Variants in PCDHA9 observed in about 807,000 individuals in gnomAD.
The protein encoded by PCDHA9 is protocadherin alpha 9.
PCDHA9 carries 62 observed loss-of-function variants against 62.0 expected under a neutral mutation model. The observed-to-expected ratio is 1.00, with a 90% confidence interval of 0.81 to 1.23. The LOEUF is 1.23. Among genes scored for constraint, PCDHA9 ranks in the 50% most tolerant of loss-of-function variants. The pLI, the probability that PCDHA9 is intolerant of heterozygous loss-of-function variation, is 0.00. For missense variants in PCDHA9, 1,205 were observed against 1,249.8 expected, an observed-to-expected ratio of 0.96 and a Z score of 0.54; for synonymous variants, 557 against 567.6, an observed-to-expected ratio of 0.98 and a Z score of 0.27.
At chr5:140,999,605 G>T (rs1587843541) in intron 3 of PCDHA9, among the ~76,000 whole-genome samples, 2 of 152,132 alleles carry the variant, frequency 1.3e-5, no homozygotes, top group Admixed American at 1.3e-4. Context: ...CATCCTGGGG[G>T]ACCTTATCAA....
intron 1 of PCDHA9, among the ~76,000 whole-genome samples, chr5:140,924,936 TAAAAA>T (rs2082205335): frequency 8.1e-6 from 1 of 123,442 alleles, no homozygotes; most frequent in East Asian, 2.8e-4. Context: ...TAAAATAAAA[TAAAAA>T]GTTAAAAAAA....
intron 1 of PCDHA9, among the ~76,000 whole-genome samples, chr5:140,912,714 C>T (rs1312540155): frequency 6.6e-6 from 1 of 152,088 alleles, no homozygotes; most frequent in African/African-American, 2.4e-5. Context: ...CAACTTTTCT[C>T]CATTCAATAT....
Position 141,011,328 on chromosome 5 carries a change from A to G in PCDHA9, c.*1391A>G, listed in dbSNP as rs1554263430. 2 of 153,726 alleles carry G rather than the reference A, an allele frequency of 1.3e-5. No homozygotes were observed. Among genetic ancestry groups the G allele is most frequent in the Admixed American group, 1.3e-4 (2 of 15,268 alleles). 9.5% of individuals were successfully genotyped at this position (153,726 alleles called of 1,614,324 possible). On this transcript the variant is annotated 3_prime_UTR_variant, in exon 4 of 4. Transcript: ENST00000532602. Reference sequence around the variant, plus strand: ...ATTGCTAATCTTACTAACACCTATGATGTTACCTGAAATCAATCTCCCATA... The same window carrying G: ...ATTGCTAATCTTACTAACACCTATGGTGTTACCTGAAATCAATCTCCCATA...
At chr5:140,966,955 C>T in intron 1 of PCDHA9, 1 of 1,602,734 alleles carries the variant, frequency 6.2e-7, no homozygotes, top group East Asian at 2.2e-5. Context: ...ACGTGGCTCG[C>T]GCGCTGGGGC....
At chr5:141,005,321 A>C (rs1455149994) in intron 3 of PCDHA9, among the ~76,000 whole-genome samples, 1 of 152,182 alleles carries the variant, frequency 6.6e-6, no homozygotes, top group Admixed American at 6.5e-5. Context: ...AGTGGTAGAG[A>C]ATAATAGGCC....
At chr5:140,863,363 TG>T (rs1554158141) in intron 1 of PCDHA9, 2 of 1,206,158 alleles carry the variant, frequency 1.7e-6, no homozygotes, top group Non-Finnish European at 1.2e-6. Context: ...CTGCGGTGCT[TG>T]GCGCAGCTCA....
In PCDHA9 at chr5:140,857,190, A is replaced by C. The variant is rs782160902; in HGVS notation, c.2394+6301A>C. The C allele has an allele frequency of 1.3e-5, 21 of 1,598,418 alleles. 2 individuals are homozygous for C. Among genetic ancestry groups the C allele is most frequent in the Non-Finnish European group, 8.6e-7 (1 of 1,167,936 alleles). On this transcript the variant is annotated intron_variant, in intron 1 of 3. Coordinates refer to ENST00000532602, the MANE Select transcript of PCDHA9 (RefSeq NM_031857.2). Reference sequence around the variant, plus strand: ...GTTTCTGACCATGATTCAGGAGCCAACGGACAGGTCACCTGCTCTCTGACG... The same window carrying C: ...GTTTCTGACCATGATTCAGGAGCCACCGGACAGGTCACCTGCTCTCTGACG...
chr5:140,923,333 T>C lies in PCDHA9; in HGVS notation c.2395-55616T>C, dbSNP rs180734722. Among the ~76,000 whole-genome samples the C allele has an allele frequency of 8.0e-3, 1,225 of 152,228 alleles. 6 individuals are homozygous for C. The highest frequency in any genetic ancestry group is 0.019 in the African/African-American group (792 of 41,544). On this transcript the variant is annotated intron_variant, in intron 1 of 3. Coordinates refer to ENST00000532602, the MANE Select transcript of PCDHA9 (RefSeq NM_031857.2). ...CTTGGCCTAGAAGTTCAAGGACAGT[T>C]TGGGCAACATAGTGGGACCCTATCT...
At chr5:140,899,494 T>C (rs1387191802) in intron 1 of PCDHA9, among the ~76,000 whole-genome samples, 3 of 152,250 alleles carry the variant, frequency 2.0e-5, no homozygotes, top group Admixed American at 2.0e-4. Flanking sequence ...GGATTACATT[T>C]ATTGATTTGC....
intron 1 of PCDHA9, among the ~76,000 whole-genome samples, chr5:140,873,824 C>A (rs1411429273): frequency 6.6e-6 from 1 of 152,118 alleles, no homozygotes; most frequent in Non-Finnish European, 1.5e-5. Flanking sequence ...CCACTCCTGG[C>A]TAATTTTTGT....
At chr5:140,997,688 G>C (rs1232415745) in intron 3 of PCDHA9, among the ~76,000 whole-genome samples, 1 of 151,990 alleles carries the variant, frequency 6.6e-6, no homozygotes, top group Non-Finnish European at 1.5e-5. Context: ...GTGTGTGTGT[G>C]TGTGTGTGTA....
At chr5:140,886,772 G>A (rs910164045) in intron 1 of PCDHA9, among the ~76,000 whole-genome samples, 16 of 143,450 alleles carry the variant, frequency 1.1e-4, no homozygotes, top group Non-Finnish European at 1.8e-4. Flanking sequence ...GTTGCAGTGA[G>A]ATGAGATCAT....
At chr5:140,912,914 T>C (rs141956430) in intron 1 of PCDHA9, among the ~76,000 whole-genome samples, 326 of 152,372 alleles carry the variant, frequency 2.1e-3, no homozygotes, top group African/African-American at 7.4e-3. Context: ...ATTGATTGAT[T>C]TGTGTATGTT....
At chr5:140,968,288 C>A in intron 1 of PCDHA9, 1 of 1,613,976 alleles carries the variant, frequency 6.2e-7, no homozygotes, top group Non-Finnish European at 8.5e-7. Context: ...GACCTACTCC[C>A]TTCTGGAGAG....
intron 1 of PCDHA9, chr5:140,930,518 T>G (rs782236970): frequency 3.3e-5 from 5 of 152,592 alleles, no homozygotes; most frequent in Non-Finnish European, 5.9e-5. Flanking sequence ...CCACTGCAGC[T>G]GGCCCTCAAA....
At chr5:140,942,467 A>C (rs1428565418) in intron 1 of PCDHA9, among the ~76,000 whole-genome samples, 1 of 152,142 alleles carries the variant, frequency 6.6e-6, no homozygotes, top group Non-Finnish European at 1.5e-5. Context: ...AATACAATCA[A>C]ATTCAAGCTA....
chr5:140,922,350 G>A (rs2080793001), intron 1 of PCDHA9, among the ~76,000 whole-genome samples: 11 of 152,212 alleles, frequency 7.2e-5, no homozygotes, highest in Admixed American at 7.2e-4. Context: ...GTATTTTCTA[G>A]AGTAGTGATT....
At chr5:140,874,154 C>A (rs1554167062) in intron 1 of PCDHA9, among the ~76,000 whole-genome samples, 1 of 152,102 alleles carries the variant, frequency 6.6e-6, no homozygotes, top group African/African-American at 2.4e-5. Flanking sequence ...TAGAGCCATT[C>A]TTGGTTACTC....
intron 1 of PCDHA9, among the ~76,000 whole-genome samples, chr5:140,905,871 G>C (rs889363141): frequency 6.6e-6 from 1 of 152,078 alleles, no homozygotes; most frequent in African/African-American, 2.4e-5. Context: ...ACAATCACAA[G>C]GCCCAACAAT....
Sources: allele counts gnomAD v4.1 joint callset (sites outside exome capture counted in the v4.1 genomes callset), GRCh38; gene constraint gnomAD v4.1.1; transcripts MANE v1.5; gene names NCBI Gene and HGNC (gene_info 2026-07-23, HGNC 2026-07-21).